Variants in SPOCK3 observed in about 807,000 individuals in gnomAD.
SPOCK3 encodes SPARC (osteonectin), cwcv and kazal like domains proteoglycan 3.
In SPOCK3, 30 loss-of-function variants were observed where a neutral mutation model predicts 56.6. The ratio of observed to expected loss-of-function variants is 0.53; its 90% CI spans 0.40 to 0.72. The LOEUF is 0.72. Among genes scored for constraint, SPOCK3 ranks in the 30% least tolerant of loss-of-function variants. The probability of loss-of-function intolerance (pLI) is 0.00; values close to 1 mark genes in which losing one functional copy is unlikely to be tolerated. For synonymous variants in SPOCK3, 196 were observed against 183.3 expected, an observed-to-expected ratio of 1.07 and a Z score of -0.56; for missense variants, 527 against 530.0, an observed-to-expected ratio of 0.99 and a Z score of 0.06.
At chr4:167,084,880 C>T (rs888063794) in intron 2 of SPOCK3, among the ~76,000 whole-genome samples, 1 of 151,660 alleles carries the variant, frequency 6.6e-6, no homozygotes, top group Non-Finnish European at 1.5e-5. Context: ...ACATAGAAAC[C>T]CATTATATAA....
intron 2 of SPOCK3, among the ~76,000 whole-genome samples, chr4:167,162,766 CT>C (rs889391311): frequency 2.0e-5 from 3 of 151,944 alleles, no homozygotes; most frequent in Admixed American, 6.6e-5. Flanking sequence ...TTACTCTCGA[CT>C]TTTTTTTATA....
At chr4:167,213,443 A>T (rs943746421) in intron 2 of SPOCK3, among the ~76,000 whole-genome samples, 1 of 152,174 alleles carries the variant, frequency 6.6e-6, no homozygotes. Flanking sequence ...CATTATAAAA[A>T]AGGTTATGTG....
At chr4:166,937,689 G>C (rs1414227526) in intron 4 of SPOCK3, among the ~76,000 whole-genome samples, 2 of 149,704 alleles carry the variant, frequency 1.3e-5, no homozygotes, top group Non-Finnish European at 3.0e-5. Context: ...TTGATTATTA[G>C]GTAAAGATGT....
At chr4:167,040,871 C>T (rs1753179048) in intron 3 of SPOCK3, among the ~76,000 whole-genome samples, 1 of 152,036 alleles carries the variant, frequency 6.6e-6, no homozygotes, top group Admixed American at 6.6e-5. Flanking sequence ...TTTTAAAAAT[C>T]AGAAATTAAA....
chr4:166,805,191 A>G (rs776330675), intron 6 of SPOCK3, among the ~76,000 whole-genome samples: 1 of 152,072 alleles, frequency 6.6e-6, no homozygotes, highest in Non-Finnish European at 1.5e-5. Context: ...AATTTTCACA[A>G]TAGAAGTACA....
chr4:166,881,327 C>T lies in SPOCK3; in HGVS notation c.589+7803G>A, dbSNP rs544846872. On this transcript the variant is annotated intron_variant, in intron 6 of 10. Transcript: ENST00000357545. ...CCATAACAGAAATGATTTATTCCTA[C>T]GATAAATTAATGTAGTAAATTGATT... Among the ~76,000 whole-genome samples, 38 of 151,448 alleles carry T rather than the reference C, an allele frequency of 2.5e-4. 1 individual carries two copies. In the East Asian group the frequency reaches 3.3e-3, roughly 13 times the overall value.
intron 3 of SPOCK3, among the ~76,000 whole-genome samples, chr4:167,053,937 A>T (rs1429886766): frequency 1.3e-5 from 2 of 152,096 alleles, no homozygotes; most frequent in Admixed American, 6.6e-5. Flanking sequence ...TCGTTCTTAT[A>T]TCTCTGGATC....
At chr4:167,154,663 C>T (rs1764675318) in intron 2 of SPOCK3, among the ~76,000 whole-genome samples, 1 of 152,164 alleles carries the variant, frequency 6.6e-6, no homozygotes, top group African/African-American at 2.4e-5. Context: ...CCTATGATTA[C>T]TTGGGATTCA....
At chr4:166,814,538 C>A (rs1453663274) in intron 6 of SPOCK3, among the ~76,000 whole-genome samples, 1 of 152,068 alleles carries the variant, frequency 6.6e-6, no homozygotes, top group Non-Finnish European at 1.5e-5. Flanking sequence ...TGGCTCTCAG[C>A]TTTCTCCCTT....
At chr4:166,738,616 C>G (rs956299761) in intron 9 of SPOCK3, among the ~76,000 whole-genome samples, 1 of 98,422 alleles carries the variant, frequency 1.0e-5, no homozygotes, top group African/African-American at 3.9e-5. Flanking sequence ...CTATCCCTCC[C>G]CCCTCCCCCC....
chr4:166,845,358 T>A (rs1262415738), intron 6 of SPOCK3, among the ~76,000 whole-genome samples: 1 of 152,214 alleles, frequency 6.6e-6, no homozygotes, highest in African/African-American at 2.4e-5. Flanking sequence ...TATGAAATTT[T>A]AGCAGAAAAA....
chr4:167,071,844 G>A (rs575821654), intron 2 of SPOCK3, among the ~76,000 whole-genome samples: 26 of 152,156 alleles, frequency 1.7e-4, no homozygotes, highest in Admixed American at 5.9e-4. Context: ...CACCAACAGT[G>A]TAAAGGGGTT....
At position 167,070,932 on chromosome 4, in the gene SPOCK3, G is replaced by C. The variant is rs76421749; in HGVS notation, c.190-8395C>G. 8.0e-4 allele frequency among the ~76,000 whole-genome samples: 122 copies of C among 152,030 alleles called. 2 individuals carry two copies. The East Asian group carries it at 0.021, about 26-fold the overall frequency. On this transcript the variant is annotated intron_variant, in intron 2 of 10. Coordinates refer to ENST00000357545, the MANE Select transcript of SPOCK3 (RefSeq NM_001040159.2). Reference sequence around the variant, plus strand: ...AGGTAGCACTCATTTTCCATGTTGTGTCTTAGAATCCTGAAAGAATTCATT... The same window carrying C: ...AGGTAGCACTCATTTTCCATGTTGTCTCTTAGAATCCTGAAAGAATTCATT...
intron 5 of SPOCK3, among the ~76,000 whole-genome samples, chr4:166,889,580 T>C (rs1734550990): frequency 6.6e-6 from 1 of 151,906 alleles, no homozygotes; most frequent in African/African-American, 2.4e-5. Context: ...TGACATAGAG[T>C]TTGACAGTAC....
intron 6 of SPOCK3, among the ~76,000 whole-genome samples, chr4:166,869,095 G>A (rs761131935): frequency 1.3e-5 from 2 of 151,290 alleles, no homozygotes; most frequent in Admixed American, 6.6e-5. Context: ...GGCTAATGGA[G>A]CAGAGCTCTC....
chr4:167,106,759 T>A (rs1580310362), intron 2 of SPOCK3, among the ~76,000 whole-genome samples: 2 of 137,386 alleles, frequency 1.5e-5, no homozygotes, highest in South Asian at 2.3e-4. Flanking sequence ...GGCAGACCAA[T>A]GAATTAAAAA....
intron 3 of SPOCK3, among the ~76,000 whole-genome samples, chr4:167,039,109 T>C (rs574793917): frequency 6.6e-6 from 1 of 152,274 alleles, no homozygotes; most frequent in South Asian, 2.1e-4. Flanking sequence ...CTGTCCTAGC[T>C]TCCCGGGCTT....
chr4:167,117,661 T>C lies in SPOCK3; in HGVS notation c.190-55124A>G, dbSNP rs1761544407. Reference sequence around the variant, plus strand: ...GAGGTCTGGGGGCAGAGCAGCAGGGTGGGAAGGGCTCTCCCAGAAGGTGAA... The same window carrying C: ...GAGGTCTGGGGGCAGAGCAGCAGGGCGGGAAGGGCTCTCCCAGAAGGTGAA... On this transcript the variant is annotated intron_variant, in intron 2 of 10. Transcript: ENST00000357545. Among the ~76,000 whole-genome samples the C allele has an allele frequency of 2.0e-5, 3 of 152,000 alleles. No homozygotes were observed. The South Asian group carries it at 6.2e-4, about 32-fold the overall frequency.
intron 3 of SPOCK3, among the ~76,000 whole-genome samples, chr4:167,056,411 C>T (rs1023343406): frequency 6.6e-6 from 1 of 152,180 alleles, no homozygotes; most frequent in African/African-American, 2.4e-5. Flanking sequence ...AGCTCCTCAC[C>T]AGCAATGGAA....
Sources: allele counts gnomAD v4.1 joint callset (sites outside exome capture counted in the v4.1 genomes callset), GRCh38; gene constraint gnomAD v4.1.1; transcripts MANE v1.5; gene names NCBI Gene and HGNC (gene_info 2026-07-23, HGNC 2026-07-21).